The following CNTN5 variants were observed in gnomAD, a reference collection of about 807,000 sequenced individuals.
CNTN5 encodes the protein contactin 5.
Under a neutral mutation model 129.1 loss-of-function variants are expected in CNTN5, and 77 were observed. That is an observed-to-expected ratio of 0.60 (90% CI 0.50 to 0.72). The LOEUF (loss-of-function observed/expected upper bound fraction) is 0.72. CNTN5 is among the 30% of genes least tolerant of loss of function. CNTN5 has a pLI of 0.00. For synonymous variants in CNTN5, 509 were observed against 465.6 expected, an observed-to-expected ratio of 1.09 and a Z score of -1.20; for missense variants, 1,478 against 1,328.8, an observed-to-expected ratio of 1.11 and a Z score of -1.75.
intron 2 of CNTN5, among the ~76,000 whole-genome samples, chr11:99,504,338 C>T (rs888735602): frequency 2.6e-5 from 4 of 151,850 alleles, no homozygotes; most frequent in Admixed American, 6.6e-5. Flanking sequence ...GGCAGGAGAT[C>T]GAGACCATCA....
At chr11:100,062,294 A>C (rs925314092) in intron 10 of CNTN5, among the ~76,000 whole-genome samples, 2 of 152,182 alleles carry the variant, frequency 1.3e-5, no homozygotes, top group African/African-American at 4.8e-5. Flanking sequence ...CCTGTATCTC[A>C]AGATCAGTTC....
intron 1 of CNTN5, among the ~76,000 whole-genome samples, chr11:99,193,268 A>G (rs1858737417): frequency 6.6e-6 from 1 of 152,174 alleles, no homozygotes; most frequent in Admixed American, 6.6e-5. Flanking sequence ...AAATTTGAAA[A>G]ATAAGAAAGA....
chr11:99,166,131 C>G (rs369558457), intron 1 of CNTN5, among the ~76,000 whole-genome samples: 1 of 152,096 alleles, frequency 6.6e-6, no homozygotes, highest in Non-Finnish European at 1.5e-5. Context: ...TGACTGGGCA[C>G]GATGGCTCAC....
At chr11:99,325,677 C>T (rs539060932) in intron 2 of CNTN5, among the ~76,000 whole-genome samples, 193 bp downstream of exon 2, 1 of 152,132 alleles carries the variant, frequency 6.6e-6, no homozygotes, top group Admixed American at 6.5e-5. Flanking sequence ...AACATAAATG[C>T]TCTATAAATA....
intron 3 of CNTN5, among the ~76,000 whole-genome samples, chr11:99,606,764 A>T (rs1335772838): frequency 7.0e-6 from 1 of 143,440 alleles, no homozygotes; most frequent in East Asian, 2.1e-4. Context: ...AGATCAATGG[A>T]ACAGAACAGA....
chr11:99,463,144 TAAAA>T (rs1236829413), intron 2 of CNTN5, among the ~76,000 whole-genome samples: 23 of 147,948 alleles, frequency 1.6e-4, no homozygotes, highest in Admixed American at 1.3e-3. Flanking sequence ...AATAAATAAA[TAAAA>T]GTAAAAAAGT....
intron 1 of CNTN5, among the ~76,000 whole-genome samples, chr11:99,088,079 G>A (rs895410578): frequency 6.6e-6 from 1 of 152,166 alleles, no homozygotes; most frequent in African/African-American, 2.4e-5. Flanking sequence ...GAGAACAGAT[G>A]TTAAGGGAAT....
chr11:99,768,261 A>G (rs1009873307), intron 3 of CNTN5, among the ~76,000 whole-genome samples: 42 of 152,152 alleles, frequency 2.8e-4, no homozygotes, highest in Admixed American at 2.8e-3. Flanking sequence ...CACAGATTTT[A>G]TGGATGTATA....
chr11:100,198,184 C>A (rs1948694606), intron 15 of CNTN5, among the ~76,000 whole-genome samples: 1 of 151,844 alleles, frequency 6.6e-6, no homozygotes, highest in Non-Finnish European at 1.5e-5. Flanking sequence ...AGGTTTGAAT[C>A]CAGTCTTCAG....
chr11:100,013,592 C>A (rs879536317), intron 9 of CNTN5, among the ~76,000 whole-genome samples: 8 of 152,206 alleles, frequency 5.3e-5, no homozygotes, highest in Non-Finnish European at 1.2e-4. Flanking sequence ...CACTGGATTA[C>A]AAACAGGAAT....
chr11:99,933,430 A>G (rs987974639), intron 7 of CNTN5, among the ~76,000 whole-genome samples: 1 of 152,186 alleles, frequency 6.6e-6, no homozygotes, highest in Admixed American at 6.5e-5. Flanking sequence ...TCATGTAACC[A>G]CTACCATAAT....
intron 3 of CNTN5, among the ~76,000 whole-genome samples, chr11:99,699,653 T>G (rs1954433615): frequency 6.6e-6 from 1 of 151,530 alleles, no homozygotes; most frequent in South Asian, 2.1e-4. Context: ...ACTCACTTTC[T>G]AAGTGTTTCC....
At position 100,126,580 on chromosome 11, in the gene CNTN5, T is replaced by G. The variant is rs532069149; in HGVS notation, c.1580+52286T>G. Among the ~76,000 whole-genome samples, 8 of 152,288 alleles carry G rather than the reference T, an allele frequency of 5.3e-5. No homozygotes were observed. The East Asian group carries it at 1.5e-3, about 29-fold the overall frequency. On this transcript the variant is annotated intron_variant, in intron 13 of 24. Transcript: ENST00000524871. ...ATCGTTATTGGTTTCAAGTTTGTTT[T>G]ATCTGATATAAGAATAGTAACTTCT...
At chr11:99,137,860 C>A (rs4754586) in intron 1 of CNTN5, among the ~76,000 whole-genome samples, 136,714 of 151,962 alleles carry the variant, frequency 0.9, 61,699 homozygotes, top group East Asian at 0.99. Flanking sequence ...GTATTTCTCC[C>A]CTGCAAGTTT....
chr11:99,917,811 A>G (rs190094173), intron 7 of CNTN5, among the ~76,000 whole-genome samples: 2 of 152,196 alleles, frequency 1.3e-5, no homozygotes, highest in Admixed American at 6.5e-5. Flanking sequence ...AGTACAATGA[A>G]TTGCATATAT....
chr11:99,954,098 A>G (rs1446592135), intron 7 of CNTN5, among the ~76,000 whole-genome samples: 2 of 152,166 alleles, frequency 1.3e-5, no homozygotes, highest in African/African-American at 4.8e-5. Context: ...ATACCTGTGT[A>G]ACAAACCTGC....
At chr11:99,528,834 C>T (rs138388953) in intron 2 of CNTN5, among the ~76,000 whole-genome samples, 3,483 of 151,528 alleles carry the variant, frequency 0.023, 105 homozygotes, top group East Asian at 0.094. Context: ...GAGGCCAAGG[C>T]GGGTGGATCA....
At chr11:99,842,997 T>G (rs1284495261) in intron 4 of CNTN5, among the ~76,000 whole-genome samples, 1 of 152,142 alleles carries the variant, frequency 6.6e-6, no homozygotes, top group East Asian at 1.9e-4. Flanking sequence ...TTGGGAGGCC[T>G]AGGCGGGCGG....
In CNTN5 at chr11:100,210,294, G is replaced by A. The variant is rs375421173; in HGVS notation, c.1885-14398G>A. Among the ~76,000 whole-genome samples, 369 of 145,328 alleles carry A rather than the reference G, an allele frequency of 2.5e-3. 5 individuals carry two copies. Among genetic ancestry groups the A allele is most frequent in the African/African-American group, 9.0e-3 (354 of 39,464 alleles). On this transcript the variant is annotated intron_variant, in intron 15 of 24. Transcript: ENST00000524871. ...GAGCCCAGGAGGCAGAGGTTGCCGT[G>A]AGCCAAGAACCTGCCACTGCACTCC...
Sources: allele counts gnomAD v4.1 joint callset (sites outside exome capture counted in the v4.1 genomes callset), GRCh38; gene constraint gnomAD v4.1.1; transcripts MANE v1.5; gene names NCBI Gene and HGNC (gene_info 2026-07-23, HGNC 2026-07-21).